Variants in TMEM131 observed in about 807,000 individuals in gnomAD.
TMEM131 encodes transmembrane protein 131, also known as 2610524E03Rik.
TMEM131 carries 66 observed loss-of-function variants against 211.6 expected under a neutral mutation model. That is an observed-to-expected ratio of 0.31 (90% CI 0.26 to 0.38). The LOEUF (loss-of-function observed/expected upper bound fraction) is 0.38, where lower values mean the gene tolerates loss of function less well. TMEM131 is among the 10% of genes least tolerant of loss of function. The probability of loss-of-function intolerance (pLI) is 1.00; values close to 1 mark genes in which losing one functional copy is unlikely to be tolerated. For missense variants in TMEM131, 2,036 were observed against 2,299.3 expected (o/e 0.89, Z 2.34); for synonymous variants, 844 against 841.3 (o/e 1.00, Z -0.06).
intron 31 of TMEM131, among the ~76,000 whole-genome samples, chr2:97,776,291 T>C (rs1679726781): frequency 6.6e-6 from 1 of 152,064 alleles, no homozygotes; most frequent in South Asian, 2.1e-4. Flanking sequence ...CCTGACCTCG[T>C]GATCTGCCTG....
chr2:97,860,905 T>C (rs756603500), intron 4 of TMEM131, among the ~76,000 whole-genome samples: 3 of 152,088 alleles, frequency 2.0e-5, no homozygotes, highest in Non-Finnish European at 4.4e-5. Flanking sequence ...AAATCTTGAA[T>C]CGCTGATGCC....
Position 97,837,079 on chromosome 2 carries a change from A to G in TMEM131, c.802T>C (p.Trp268Arg). 6.2e-7 allele frequency: 1 copy of G among 1,612,648 alleles called. No homozygotes were observed. Among genetic ancestry groups the G allele is most frequent in the Non-Finnish European group, 8.5e-7 (1 of 1,179,168 alleles). Residue 268 changes from tryptophan to arginine, a missense_variant and splice_region_variant, in exon 8 of 41, where the codon TGG becomes CGG. Physicochemically the swap from Trp to Arg is moderately radical, Grantham distance 101. This residue lies in a region of TMEM131 where 277 missense variants were observed against 378.0 expected (regional missense o/e 0.73). Transcript: ENST00000186436. ...TGQQGGTRKL[W>R]EIPPYETKGV... is the part of the protein sequence containing the mutation. The stretch of plus-strand genomic sequence containing the variant: ...GAGAAAACTAGGTTACAACTCACCC[A>G]CAGTTTTCTGGTACCTCCTTGTTGA...
intron 1 of TMEM131, among the ~76,000 whole-genome samples, chr2:97,980,566 T>C (rs552680700): frequency 2.0e-5 from 3 of 152,214 alleles, no homozygotes; most frequent in Admixed American, 2.0e-4. Context: ...TCCACTCATA[T>C]GTACTTACCT....
At chr2:97,928,329 A>T (rs1677075141) in intron 1 of TMEM131, among the ~76,000 whole-genome samples, 1 of 149,014 alleles carries the variant, frequency 6.7e-6, no homozygotes, top group African/African-American at 2.6e-5. Context: ...TCAGGGGGAG[A>T]TGGGAAAGGT....
chr2:97,919,619 G>A (rs539270591), intron 2 of TMEM131, among the ~76,000 whole-genome samples: 4 of 152,160 alleles, frequency 2.6e-5, no homozygotes, highest in African/African-American at 9.6e-5. Flanking sequence ...TGCCCAGGCC[G>A]GAGTGCAATG....
At chr2:97,844,292 C>A (rs751775337) in intron 5 of TMEM131, 31 bp from the exon 6 acceptor site, 1 of 858,816 alleles carries the variant, frequency 1.2e-6, no homozygotes, top group Admixed American at 3.9e-5. Context: ...AAATTTGTAA[C>A]AAGAAAAAAA....
intron 1 of TMEM131, among the ~76,000 whole-genome samples, chr2:97,944,959 T>C (rs1346886862): frequency 1.3e-5 from 2 of 152,204 alleles, no homozygotes; most frequent in African/African-American, 2.4e-5. Flanking sequence ...TACTCTTATG[T>C]ATATACATAA....
At chr2:97,896,736 C>T (rs1473673045) in intron 3 of TMEM131, among the ~76,000 whole-genome samples, 2 of 152,070 alleles carry the variant, frequency 1.3e-5, no homozygotes, top group African/African-American at 4.8e-5. Context: ...CACATCTGGA[C>T]AAGAAGTTTT....
intron 19 of TMEM131, among the ~76,000 whole-genome samples, chr2:97,807,886 A>T (rs955605218): frequency 1.8e-4 from 27 of 152,364 alleles, no homozygotes; most frequent in African/African-American, 6.0e-4. Flanking sequence ...TGAGGATTTA[A>T]TTAAGACCCA....
chr2:97,896,719 A>G (rs888191506), intron 3 of TMEM131, among the ~76,000 whole-genome samples: 13 of 152,030 alleles, frequency 8.6e-5, no homozygotes, highest in Non-Finnish European at 1.5e-4. Flanking sequence ...CCATTGAATT[A>G]CCTTGACACA....
chr2:97,779,533 C>T (rs999198628), intron 31 of TMEM131, among the ~76,000 whole-genome samples: 2 of 152,196 alleles, frequency 1.3e-5, no homozygotes, highest in African/African-American at 4.8e-5. Flanking sequence ...AGAGACTCTT[C>T]CAAATCTTTT....
chr2:97,794,256 G>C (rs1253129472), intron 29 of TMEM131, among the ~76,000 whole-genome samples: 1 of 151,898 alleles, frequency 6.6e-6, no homozygotes, highest in Non-Finnish European at 1.5e-5. Flanking sequence ...GGCTGGTCTT[G>C]AATTCCTGAC....
chr2:97,922,770 G>A (rs2104424513), intron 2 of TMEM131, among the ~76,000 whole-genome samples: 1 of 152,306 alleles, frequency 6.6e-6, no homozygotes, highest in African/African-American at 2.4e-5. Context: ...GAGAGAGCTT[G>A]AGGGGAAACT....
At chr2:97,796,187 G>A (rs879804444) in intron 28 of TMEM131, 31 bp downstream of exon 28, 2 of 1,304,546 alleles carry the variant, frequency 1.5e-6, no homozygotes, top group African/African-American at 1.5e-5. Context: ...GAAAGTTAGT[G>A]ATTCATTACA....
chr2:97,761,995 C>T (rs1333793676), intron 36 of TMEM131, 40 bp downstream of exon 36: 8 of 1,522,148 alleles, frequency 5.3e-6, no homozygotes, highest in Non-Finnish European at 7.0e-6. Context: ...GTTTTAGGCA[C>T]ATTTCAAGCT....
chr2:97,844,171 A>T lies in TMEM131; in HGVS notation c.574T>A (p.Ser192Thr), dbSNP rs1281983476. 2 of 1,196,372 alleles carry T rather than the reference A, an allele frequency of 1.7e-6. No individual in the cohort carries two copies. The highest frequency in any genetic ancestry group is 5.6e-5 in the East Asian group (2 of 35,586). The allele number at this position is 1,196,372 out of a possible 1,614,324, so 74.1% of individuals were successfully genotyped here. ...NVENTLFINT[S>T]NHGVFTYQVF... ...TGGTAAGTAAATACCCCATGATTAG[A>T]TGTATTAATAAATAAAGTATTTTCT... The change falls in exon 6 of 41, where the codon TCT becomes ACT. Residue 192 changes from serine to threonine, a missense_variant. Physicochemically the swap from Ser to Thr is moderately conservative, Grantham distance 58. This residue lies in a region of TMEM131 where 277 missense variants were observed against 378.0 expected (regional missense o/e 0.73). Coordinates refer to ENST00000186436, the MANE Select transcript of TMEM131 (RefSeq NM_015348.2).
At chr2:97,923,671 G>T (rs1676850508) in intron 2 of TMEM131, among the ~76,000 whole-genome samples, 2 of 143,762 alleles carry the variant, frequency 1.4e-5, no homozygotes, top group South Asian at 2.3e-4. Context: ...TTCTGTTTGT[G>T]TTTTCAACTC....
chr2:97,919,139 C>G (rs1676633949), intron 2 of TMEM131, among the ~76,000 whole-genome samples: 1 of 152,116 alleles, frequency 6.6e-6, no homozygotes, highest in Non-Finnish European at 1.5e-5. Context: ...TAAGATTTAG[C>G]CTTAGTGGTA....
At chr2:97,896,789 T>TA (rs202176879) in intron 3 of TMEM131, among the ~76,000 whole-genome samples, 4,610 of 152,202 alleles carry the variant, frequency 0.03, 93 homozygotes, top group Middle Eastern at 0.065. Flanking sequence ...TTCTGATGTT[T>TA]TTCTTTTTAA....
Sources: gnomAD v4.1 joint callset for allele counts (sites outside exome capture counted in the v4.1 genomes callset) on GRCh38, gnomAD v4.1.1 for gene constraint, gnomAD v4.1.1 regional missense constraint, MANE v1.5 for transcripts, NCBI Gene and HGNC (gene_info 2026-07-23, HGNC 2026-07-21) for gene names.